Variants in AMT observed in about 807,000 individuals in gnomAD.
AMT encodes aminomethyltransferase, mitochondrial.
Under a neutral mutation model 39.5 loss-of-function variants are expected in AMT, and 24 were observed. The ratio of observed to expected loss-of-function variants is 0.61; its 90% CI spans 0.44 to 0.86. The LOEUF (loss-of-function observed/expected upper bound fraction) is 0.86, where lower values mean the gene tolerates loss of function less well. Among genes scored for constraint, AMT ranks in the 40% least tolerant of loss-of-function variants. The probability of loss-of-function intolerance (pLI) is 0.00; values close to 1 mark genes in which losing one functional copy is unlikely to be tolerated. For synonymous variants in AMT, 210 were observed against 212.1 expected (o/e 0.99, Z 0.09); for missense variants, 501 against 537.0 (o/e 0.93, Z 0.66).
chr3:49,419,911 A>AT, intron 4 of AMT, 123 bp from the exon 5 acceptor site: 1 of 1,002,248 alleles, frequency 1.0e-6, no homozygotes. Flanking sequence ...GGAAAAAAAA[A>AT]GGTAGTAGGC....
intron 4 of AMT, 67 bp downstream of exon 4, chr3:49,420,144 T>C: frequency 6.2e-7 from 1 of 1,606,888 alleles, no homozygotes; most frequent in Non-Finnish European, 8.5e-7. Flanking sequence ...CAACCCTGTC[T>C]TGGACAACAA....
At chr3:49,422,003 T>C (rs1357368725) in intron 2 of AMT, 101 bp downstream of exon 2, 2 of 1,537,514 alleles carry the variant, frequency 1.3e-6, no homozygotes, top group South Asian at 1.1e-5. Flanking sequence ...CTGAGAAGGC[T>C]GTCCTTGGAA....
rs1401178630 is a variant in AMT at position 49,420,292 on chromosome 3, C to T, written c.390G>A (p.Leu130=). 1 of 1,614,084 alleles carries T rather than the reference C, an allele frequency of 6.2e-7. No individual in the cohort carries two copies. Among genetic ancestry groups the T allele is most frequent in the African/African-American group, 1.3e-5 (1 of 74,948 alleles). The change falls in exon 4 of 9, where the codon TTG becomes TTA. Residue 130 remains leucine (L), a synonymous_variant. Coordinates refer to ENST00000273588, the MANE Select transcript of AMT (RefSeq NM_000481.4). ...TNEAGGILDD[L]IVTNTSEGHL... Reference sequence around the variant, plus strand: ...GGCCCTCAGAAGTATTGGTTACAATCAAGTCATCTAAGATGCCTCCAGCCT... The same window carrying T: ...GGCCCTCAGAAGTATTGGTTACAATTAAGTCATCTAAGATGCCTCCAGCCT...
intron 5 of AMT, 79 bp from the exon 6 acceptor site, chr3:49,419,484 A>G: frequency 1.9e-6 from 3 of 1,575,282 alleles, no homozygotes; most frequent in Non-Finnish European, 2.6e-6. Flanking sequence ...TTCAGGGACC[A>G]GAACAAGCCC....
rs373455288 is a variant in AMT, at chr3:49,422,196, T to C, written c.166A>G (p.Ser56Gly). Residue 56 changes from serine (S) to glycine (G), a missense_variant, in exon 2 of 9, where the codon AGT becomes GGT. Coordinates refer to ENST00000273588, the MANE Select transcript of AMT (RefSeq NM_000481.4). The part of the protein sequence containing the change: ...GGKMVAFAGW[S>G]LPVQYRDSHT... Reference sequence around the variant, plus strand: ...CTGTCCCGGTACTGCACTGGCAGACTCCAACCCGCAAACGCCACCATTTTC... The same window carrying C: ...CTGTCCCGGTACTGCACTGGCAGACCCCAACCCGCAAACGCCACCATTTTC... The C allele has an allele frequency of 1.2e-6, 2 of 1,613,820 alleles. No individual in the cohort carries two copies. Among genetic ancestry groups the C allele is most frequent in the African/African-American group, 2.7e-5 (2 of 74,916 alleles).
At position 49,422,366 on chromosome 3, in the gene AMT, C is replaced by G; in HGVS notation, c.85G>C (p.Ala29Pro). 2 of 1,611,628 alleles carry G rather than the reference C, an allele frequency of 1.2e-6. No homozygotes were observed. The highest frequency in any genetic ancestry group is 1.7e-6 in the Non-Finnish European group (2 of 1,179,148). The part of the protein sequence containing the change: ...PPALCRPLSC[A>P]QEVLRRTPLY... ...ATCAGCACCCTCTATCCCACCTGTG[C>G]GCAACTAAGTGGACGACACAAGGCC... Residue 29 changes from alanine to proline, a missense_variant, in exon 1 of 9, where the codon GCA becomes CCA. Physicochemically the swap from Ala to Pro is conservative, Grantham distance 27 (BLOSUM62 -1). Transcript: ENST00000273588.
chr3:49,418,146 C>G, intron 7 of AMT, 173 bp from the exon 8 acceptor site: 1 of 752,708 alleles, frequency 1.3e-6, no homozygotes, highest in South Asian at 1.6e-5. Flanking sequence ...CCTCCTATCC[C>G]CTGGAGGCCA....
At chr3:49,421,710 C>T (rs2049105324) in intron 2 of AMT, 138 bp from the exon 3 acceptor site, 6 of 804,934 alleles carry the variant, frequency 7.5e-6, no homozygotes, top group East Asian at 2.5e-5. Context: ...TGGTTCTACA[C>T]GTGGCAAAGG....
chr3:49,417,026 G>A lies in AMT; in HGVS notation c.*514C>T, dbSNP rs1191598293. ...TCAGCCATCCCCAAGTTTACACACA[G>A]GCATAGCAGCCCTACTGTGAGTCAG... On this transcript the variant is annotated 3_prime_UTR_variant, in exon 9 of 9. Transcript: ENST00000273588. 16 of 550,214 alleles carry A rather than the reference G, an allele frequency of 2.9e-5. No homozygotes were observed. Among genetic ancestry groups the A allele is most frequent in the Admixed American group, 1.8e-4 (8 of 45,166 alleles). The allele number at this position is 550,214 out of a possible 1,614,324, so 34.1% of individuals were successfully genotyped here. A position where few individuals can be genotyped will look rare whatever the true frequency, so the allele number is the denominator to read the frequency against.
At chr3:49,420,721 T>C (rs1213654667) in intron 3 of AMT, 1 of 331,322 alleles carries the variant, frequency 3.0e-6, no homozygotes, top group Non-Finnish European at 5.9e-6. Context: ...GTCATCTTGA[T>C]GATCGCAGGC....
Position 49,418,187 on chromosome 3 carries a change from C to CT in AMT, c.878-215dup, listed in dbSNP as rs71080510. 0.078 allele frequency: 38,546 copies of CT among 495,556 alleles called. 219 individuals carry two copies. Among genetic ancestry groups the CT allele is most frequent in the African/African-American group, 0.12 (5,728 of 48,898 alleles). 30.7% of individuals were successfully genotyped at this position (495,556 alleles called of 1,614,324 possible). A position where few individuals can be genotyped will look rare whatever the true frequency, so the allele number is the denominator to read the frequency against. On this transcript the variant is annotated intron_variant, in intron 7 of 8. Coordinates refer to ENST00000273588, the MANE Select transcript of AMT (RefSeq NM_000481.4). ...CCCACCTGCCGAGCGTCTTCAGTTT[C>CT]TTTTTTTTTTTTTTGAGATGGAGTC...
At chr3:49,418,494 CTTTT>C (rs3049036) in intron 7 of AMT, 33 of 64,622 alleles carry the variant, frequency 5.1e-4, no homozygotes, top group South Asian at 2.7e-3. Flanking sequence ...TCTTCAGTTT[CTTTT>C]TTTTTTTTTT....
Position 49,417,842 on chromosome 3 carries a change from G to A in AMT, c.1009C>T (p.Leu337=), listed in dbSNP as rs1239721865. 3 of 1,613,990 alleles carry A rather than the reference G, an allele frequency of 1.9e-6. No homozygotes were observed. The highest frequency in any genetic ancestry group is 2.5e-6 in the Non-Finnish European group (3 of 1,180,034). The part of the protein sequence containing the change: ...GAPMRAHSPI[L]NMEGTKIGTV... ...CCAATCTTGGTACCCTCCATGTTCA[G>A]GATGGGACTGTGTGCCCGCATGGGG... Residue 337 remains leucine (L), a synonymous_variant, in exon 8 of 9, where the codon CTG becomes TTG. Transcript: ENST00000273588.
Position 49,419,367 on chromosome 3 carries a change from C to CT in AMT, c.588dup (p.Asp197ArgfsTer2). On this transcript the variant is annotated frameshift_variant, in exon 6 of 9. Coordinates refer to ENST00000273588, the MANE Select transcript of AMT (RefSeq NM_000481.4). LOFTEE classifies it high-confidence loss of function. ...ATGAAGGGCAGTTTCCTCAGGTCAT[C>CT]TGCCACGCCGGCCTGTAGTACCTGG... 1 of 1,614,160 alleles carries CT rather than the reference C, an allele frequency of 6.2e-7. No homozygotes were observed. The highest frequency in any genetic ancestry group is 1.1e-5 in the South Asian group (1 of 91,076).
Position 49,417,996 on chromosome 3 carries a change from T to A in AMT, c.878-23A>T, listed in dbSNP as rs1320514716. 3.1e-6 allele frequency: 5 copies of A among 1,593,076 alleles called. No individual in the cohort carries two copies. In the South Asian group the frequency reaches 5.6e-5, roughly 18 times the overall value. The stretch of plus-strand genomic sequence containing the variant: ...TCCCTGGAGAATGACACATGAGACA[T>A]AAGCCACAGCCCATAGAAGCCCTGG... On this transcript the variant is annotated intron_variant, in intron 7 of 8. Coordinates refer to ENST00000273588, the MANE Select transcript of AMT (RefSeq NM_000481.4).
chr3:49,418,811 T>A, intron 7 of AMT, 160 bp downstream of exon 7: 1 of 783,724 alleles, frequency 1.3e-6, no homozygotes, highest in South Asian at 1.5e-5. Context: ...GGCCAACATC[T>A]GCAGTTTCTA....
chr3:49,422,121 C>G lies in AMT; in HGVS notation c.241G>C (p.Val81Leu). ...TGGCTCACCTGCAGCATATGAGACA[C>G]GTCAAAGAGCGAGCAGTGCTGGCGT... ...HTRQHCSLFD[V>L]SHMLQTKILG... The change falls in exon 2 of 9, where the codon GTG becomes CTG. Residue 81 changes from valine to leucine, a missense_variant. By Grantham distance (32) the Val-to-Leu change is conservative. Coordinates refer to ENST00000273588, the MANE Select transcript of AMT (RefSeq NM_000481.4). 6.2e-7 allele frequency: 1 copy of G among 1,613,740 alleles called. No homozygotes were observed. Among genetic ancestry groups the G allele is most frequent in the Non-Finnish European group, 8.5e-7 (1 of 1,180,038 alleles).
chr3:49,419,177 G>A, intron 6 of AMT, 26 bp from the exon 7 acceptor site: 1 of 1,612,884 alleles, frequency 6.2e-7, no homozygotes, highest in Non-Finnish European at 8.5e-7. Context: ...GAGGGCAGAT[G>A]GGAAGCTCCC....
chr3:49,420,498 A>C, intron 3 of AMT, 156 bp from the exon 4 acceptor site: 1 of 1,101,118 alleles, frequency 9.1e-7, no homozygotes, highest in South Asian at 1.3e-5. Context: ...GCCCAAGTCC[A>C]AGGTCTTTGA....
Sources: allele counts gnomAD v4.1 joint callset, GRCh38; gene constraint gnomAD v4.1.1; transcripts MANE v1.5; gene names NCBI Gene and HGNC (gene_info 2026-07-23, HGNC 2026-07-21).